Variants in PKHD1 observed in about 807,000 individuals in gnomAD.
PKHD1 encodes the protein fibrocystin.
PKHD1 carries 291 observed loss-of-function variants against 412.0 expected under a neutral mutation model. The observed-to-expected ratio is 0.71, with a 90% CI of 0.64 to 0.78. The LOEUF (loss-of-function observed/expected upper bound fraction) is 0.78, where lower values mean the gene tolerates loss of function less well. Ranked by LOEUF, PKHD1 falls within the 30% of genes least tolerant of loss-of-function variation. PKHD1 has a pLI of 0.00. For missense variants in PKHD1, 4,825 were observed against 4,950.7 expected, an observed-to-expected ratio of 0.97 and a Z score of 0.76; for synonymous variants, 1,777 against 1,821.5, an observed-to-expected ratio of 0.98 and a Z score of 0.62.
At chr6:52,069,681 C>T (rs758145185) in intron 10 of PKHD1, among the ~76,000 whole-genome samples, 154 bp from the exon 11 acceptor site, 1 of 152,086 alleles carries the variant, frequency 6.6e-6, no homozygotes, top group Non-Finnish European at 1.5e-5. Flanking sequence ...AAGAACAATA[C>T]CAACAGGACA....
At chr6:51,765,533 TC>T (rs1788848411) in intron 55 of PKHD1, among the ~76,000 whole-genome samples, 1 of 152,022 alleles carries the variant, frequency 6.6e-6, no homozygotes, top group Non-Finnish European at 1.5e-5. Flanking sequence ...GCCAGCTGGT[TC>T]CCACCCATCC....
chr6:51,651,752 C>T (rs888718664), intron 61 of PKHD1, among the ~76,000 whole-genome samples: 17 of 152,052 alleles, frequency 1.1e-4, no homozygotes, highest in Non-Finnish European at 2.4e-4. Context: ...TGCGAATTAA[C>T]GTTAATTGAT....
At chr6:51,666,913 A>T (rs1419774769) in intron 60 of PKHD1, among the ~76,000 whole-genome samples, 1 of 151,976 alleles carries the variant, frequency 6.6e-6, no homozygotes, top group Non-Finnish European at 1.5e-5. Flanking sequence ...CATGGTGTAT[A>T]CGTGCCACAT....
chr6:51,674,800 G>C (rs893251633), intron 60 of PKHD1, among the ~76,000 whole-genome samples: 8 of 152,138 alleles, frequency 5.3e-5, no homozygotes, highest in Non-Finnish European at 1.0e-4. Flanking sequence ...ATTTGCAAGA[G>C]TCCATTTGCT....
In PKHD1 at chr6:52,053,218, A is replaced by T; in HGVS notation, c.1998T>A (p.Thr666=). The change falls in exon 21 of 67, where the codon ACT becomes ACA. Residue 666 remains threonine (T), a synonymous_variant. Transcript: ENST00000371117. ...GGAGATCCCCGAAGCAACGCACACAAGTCTCCCAGAGGTCAGTGCAATCGA... is the reference window on the plus strand; with the variant it reads ...GGAGATCCCCGAAGCAACGCACACATGTCTCCCAGAGGTCAGTGCAATCGA... ...WQFDCTDLWE[T]CVRCFGDLQP... The T allele has an allele frequency of 6.2e-7, 1 of 1,614,220 alleles. No individual in the cohort carries two copies. The highest frequency in any genetic ancestry group is 8.5e-7 in the Non-Finnish European group (1 of 1,180,022).
At chr6:51,991,522 T>G (rs1456809016) in intron 35 of PKHD1, among the ~76,000 whole-genome samples, 1 of 152,222 alleles carries the variant, frequency 6.6e-6, no homozygotes, top group Non-Finnish European at 1.5e-5. Context: ...TGATAGCTGT[T>G]GAAGGTAGAC....
intron 35 of PKHD1, among the ~76,000 whole-genome samples, chr6:51,973,345 C>T (rs954662124): frequency 2.0e-5 from 3 of 152,186 alleles, no homozygotes; most frequent in Admixed American, 2.0e-4. Flanking sequence ...GCAAAATGCA[C>T]TTTAATCATT....
At chr6:52,072,424 A>G (rs1810758240) in intron 7 of PKHD1, among the ~76,000 whole-genome samples, 1 of 152,084 alleles carries the variant, frequency 6.6e-6, no homozygotes, top group Non-Finnish European at 1.5e-5. Flanking sequence ...CTTCCCAAAA[A>G]ACCTTCATCA....
chr6:51,960,277 G>A (rs951122419), intron 35 of PKHD1, among the ~76,000 whole-genome samples: 2 of 152,024 alleles, frequency 1.3e-5, no homozygotes, highest in Non-Finnish European at 2.9e-5. Context: ...AACATGAGAG[G>A]CAAAATTATA....
chr6:51,689,648 C>G (rs191349753), intron 60 of PKHD1, among the ~76,000 whole-genome samples: 5 of 152,320 alleles, frequency 3.3e-5, no homozygotes, highest in Non-Finnish European at 7.4e-5. Context: ...TCAGCAAAGT[C>G]TTGGGATACA....
chr6:52,026,595 T>C (rs1018140999), intron 31 of PKHD1, among the ~76,000 whole-genome samples: 2 of 152,236 alleles, frequency 1.3e-5, no homozygotes, highest in Non-Finnish European at 2.9e-5. Context: ...ATTCAACTTA[T>C]ATGCTAATGA....
At chr6:51,890,116 T>G (rs1263966166) in intron 43 of PKHD1, among the ~76,000 whole-genome samples, 3 of 152,174 alleles carry the variant, frequency 2.0e-5, no homozygotes, top group Non-Finnish European at 2.9e-5. Context: ...GTCTCATTTA[T>G]TTTTACAATA....
intron 49 of PKHD1, among the ~76,000 whole-genome samples, chr6:51,850,134 C>G (rs781673760): frequency 6.6e-6 from 1 of 152,154 alleles, no homozygotes; most frequent in Non-Finnish European, 1.5e-5. Flanking sequence ...TTCCCAGCAC[C>G]ATTTACTGAA....
At chr6:51,990,625 A>C (rs1796941857) in intron 35 of PKHD1, among the ~76,000 whole-genome samples, 1 of 152,234 alleles carries the variant, frequency 6.6e-6, no homozygotes, top group Non-Finnish European at 1.5e-5. Flanking sequence ...CCTTGAAGTT[A>C]AAGTGAATTC....
At chr6:51,919,554 A>C (rs1038974973) in intron 37 of PKHD1, among the ~76,000 whole-genome samples, 5 of 152,202 alleles carry the variant, frequency 3.3e-5, no homozygotes, top group African/African-American at 1.2e-4. Flanking sequence ...GTTTGAAGTC[A>C]GGTAGCATGA....
chr6:52,083,315 G>T, intron 2 of PKHD1, 60 bp from the exon 3 acceptor site: 1 of 1,070,126 alleles, frequency 9.3e-7, no homozygotes, highest in Non-Finnish European at 1.5e-6. Flanking sequence ...ACTACCTTCT[G>T]CAATATTTTA....
intron 35 of PKHD1, among the ~76,000 whole-genome samples, chr6:51,972,187 G>T (rs1434552855): frequency 6.6e-6 from 1 of 152,078 alleles, no homozygotes; most frequent in African/African-American, 2.4e-5. Context: ...AAAAAAGAAA[G>T]ATAAGGCAAC....
Position 52,053,301 on chromosome 6 carries a change from C to T in PKHD1, c.1965-50G>A, listed in dbSNP as rs771717442. 3.1e-6 allele frequency: 5 copies of T among 1,588,904 alleles called. No homozygotes were observed. The South Asian group carries it at 5.6e-5, about 18-fold the overall frequency. ...TGGGCTCTCAGGGAGCACTTGCAGT[C>T]CTCTCCGGTTAGAGCCCTTGTTCCC... is the stretch of plus-strand genomic sequence containing the variant. On this transcript the variant is annotated intron_variant, in intron 20 of 66. Coordinates refer to ENST00000371117, the MANE Select transcript of PKHD1 (RefSeq NM_138694.4).
Position 52,045,069 on chromosome 6 carries a change from G to A in PKHD1, c.2612C>T (p.Thr871Ile). 6.2e-7 allele frequency: 1 copy of A among 1,613,428 alleles called. No homozygotes were observed. The highest frequency in any genetic ancestry group is 2.2e-5 in the East Asian group (1 of 44,876). Reference protein sequence around the residue: ...NFIRVSDENLTGVNPAAATRV... With the variant: ...NFIRVSDENLIGVNPAAATRV... ...CGTGGCTGCAGCAGGATTCACTCCA[G>A]TAAGGTTTTCATCAGAGACCTGAGA... The change falls in exon 25 of 67, where the codon ACT becomes ATT. Residue 871 changes from threonine to isoleucine, a missense_variant. Coordinates refer to ENST00000371117, the MANE Select transcript of PKHD1 (RefSeq NM_138694.4).
Sources: allele counts gnomAD v4.1 joint callset (sites outside exome capture counted in the v4.1 genomes callset), GRCh38; gene constraint gnomAD v4.1.1; transcripts MANE v1.5; gene names NCBI Gene and HGNC (gene_info 2026-07-23, HGNC 2026-07-21).